RORA: variants seen among roughly 807,000 people sequenced by gnomAD.
RORA encodes the protein nuclear receptor ROR-alpha.
A neutral mutation model predicts 69.5 loss-of-function variants in RORA; 7 were observed. That is an observed-to-expected ratio of 0.10 (90% confidence interval 0.06 to 0.19). The LOEUF is 0.19. Among genes scored for constraint, RORA ranks in the 10% least tolerant of loss-of-function variants. The pLI is 1.00. For missense variants in RORA, 457 were observed against 663.0 expected (o/e 0.69, Z 3.41); for synonymous variants, 261 against 240.8 (o/e 1.08, Z -0.78).
At chr15:60,588,448 T>TCATCCATCCATCCATC (rs55840229) in intron 2 of RORA, among the ~76,000 whole-genome samples, 89 of 150,654 alleles carry the variant, frequency 5.9e-4, no homozygotes, top group South Asian at 3.2e-3. Context: ...GCAAATCTAT[T>TCATCCATCCATCCATC]CATCCATCCA....
intron 1 of RORA, among the ~76,000 whole-genome samples, chr15:60,799,427 G>C (rs957294487): frequency 1.3e-5 from 2 of 151,876 alleles, no homozygotes; most frequent in Non-Finnish European, 2.9e-5. Flanking sequence ...ATATGGAGTC[G>C]AGACACTTCA....
chr15:61,163,792 T>G lies in RORA; in HGVS notation c.166+65261A>C, dbSNP rs149962247. ...TCGCACACAATCACACACCATTCAC[T>G]GAGAGCCTTTTACACACAAAGGACC... On this transcript the variant is annotated intron_variant, in intron 1 of 10. Coordinates refer to ENST00000335670, the MANE Select transcript of RORA (RefSeq NM_134261.3). Among the ~76,000 whole-genome samples, 218 of 152,272 alleles carry G rather than the reference T, an allele frequency of 1.4e-3. 1 individual carries two copies. Among genetic ancestry groups the G allele is most frequent in the Middle Eastern group, 3.4e-3 (1 of 294 alleles).
chr15:60,662,140 T>C (rs2070312439), intron 2 of RORA, among the ~76,000 whole-genome samples: 1 of 152,258 alleles, frequency 6.6e-6, no homozygotes, highest in Admixed American at 6.5e-5. Context: ...TAATTATTTC[T>C]GAGAAGCTTT....
chr15:61,117,643 G>A (rs1029552222), intron 1 of RORA, among the ~76,000 whole-genome samples: 1 of 152,126 alleles, frequency 6.6e-6, no homozygotes, highest in African/African-American at 2.4e-5. Flanking sequence ...TCTCCCAGAC[G>A]TTAGAAAGTT....
chr15:60,697,858 T>A (rs1446864525), intron 1 of RORA, among the ~76,000 whole-genome samples: 3 of 152,164 alleles, frequency 2.0e-5, no homozygotes, highest in African/African-American at 7.2e-5. Context: ...CATTCACGGC[T>A]CCTCTGGGAG....
At chr15:61,072,893 A>G (rs936766477) in intron 1 of RORA, among the ~76,000 whole-genome samples, 2 of 152,232 alleles carry the variant, frequency 1.3e-5, no homozygotes, top group Non-Finnish European at 2.9e-5. Flanking sequence ...ATGGCCCATA[A>G]TAAAAGTGTT....
At chr15:60,832,266 G>C (rs2073052055) in intron 1 of RORA, among the ~76,000 whole-genome samples, 1 of 148,650 alleles carries the variant, frequency 6.7e-6, no homozygotes, top group Non-Finnish European at 1.5e-5. Flanking sequence ...GCACTCCCAA[G>C]CCTATCCCAC....
chr15:60,930,107 A>T (rs1247868967), intron 1 of RORA, among the ~76,000 whole-genome samples: 1 of 152,146 alleles, frequency 6.6e-6, no homozygotes, highest in Non-Finnish European at 1.5e-5. Flanking sequence ...AATAGTATTT[A>T]ATTTTAATTT....
intron 1 of RORA, among the ~76,000 whole-genome samples, chr15:60,789,356 T>A (rs341455): frequency 9.8e-4 from 149 of 152,344 alleles, no homozygotes; most frequent in African/African-American, 3.5e-3. Context: ...ACACAAACAC[T>A]TAATATATCT....
intron 2 of RORA, among the ~76,000 whole-genome samples, chr15:60,615,643 G>GC (rs1356973994): frequency 4.6e-5 from 7 of 152,240 alleles, no homozygotes; most frequent in African/African-American, 1.7e-4. Context: ...GCTGCTCCCT[G>GC]CCAGCCTAGC....
intron 1 of RORA, among the ~76,000 whole-genome samples, chr15:60,703,613 G>T (rs1229372836): frequency 3.3e-5 from 5 of 152,106 alleles, no homozygotes; most frequent in African/African-American, 1.2e-4. Context: ...AGAGCTAGGA[G>T]GCTTAATCTT....
intron 1 of RORA, among the ~76,000 whole-genome samples, chr15:60,914,182 T>C (rs1312274599): frequency 3.9e-5 from 6 of 152,214 alleles, no homozygotes; most frequent in Admixed American, 3.3e-4. Flanking sequence ...CAGGGAATGA[T>C]GTGTGATCAT....
At chr15:60,565,087 A>C (rs1415311352) in intron 2 of RORA, among the ~76,000 whole-genome samples, 8 of 152,188 alleles carry the variant, frequency 5.3e-5, no homozygotes, top group Non-Finnish European at 8.8e-5. Context: ...TTTGAAGAAG[A>C]ACACTGTCTT....
At chr15:61,041,252 T>G (rs1249249114) in intron 1 of RORA, 3 of 152,206 alleles carry the variant, frequency 2.0e-5, no homozygotes, top group African/African-American at 7.2e-5. Context: ...GAAGCTTAAC[T>G]TATCTCACTG....
chr15:61,079,404 T>A (rs1050278481), intron 1 of RORA, among the ~76,000 whole-genome samples: 9 of 152,208 alleles, frequency 5.9e-5, no homozygotes, highest in African/African-American at 1.9e-4. Context: ...GCTTTCTCCA[T>A]GACATAAGCC....
chr15:61,133,718 A>T (rs2079212497), intron 1 of RORA, among the ~76,000 whole-genome samples: 1 of 152,162 alleles, frequency 6.6e-6, no homozygotes, highest in Non-Finnish European at 1.5e-5. Flanking sequence ...GAGATAAACC[A>T]GTCCTTTCTT....
chr15:61,105,585 C>T (rs777550323), intron 1 of RORA, among the ~76,000 whole-genome samples: 2 of 152,080 alleles, frequency 1.3e-5, no homozygotes, highest in African/African-American at 4.8e-5. Context: ...AACGATTGCC[C>T]CTCATCTAAA....
At chr15:61,025,921 A>G (rs531325984) in intron 1 of RORA, among the ~76,000 whole-genome samples, 1 of 152,340 alleles carries the variant, frequency 6.6e-6, no homozygotes, top group Admixed American at 6.5e-5. Context: ...CCAGGCCCAG[A>G]GGATAAAACT....
chr15:60,757,569 C>A (rs2071820974), intron 1 of RORA, among the ~76,000 whole-genome samples: 2 of 152,198 alleles, frequency 1.3e-5, no homozygotes. Flanking sequence ...AGCTGACCAA[C>A]CATGCTACAG....
Sources: allele counts gnomAD v4.1 joint callset (sites outside exome capture counted in the v4.1 genomes callset), GRCh38; gene constraint gnomAD v4.1.1; transcripts MANE v1.5; gene names NCBI Gene and HGNC (gene_info 2026-07-23, HGNC 2026-07-21).